The following FBXO21 variants were observed in gnomAD, a reference collection of about 807,000 sequenced individuals.
FBXO21 encodes the protein F-box only protein 21.
A neutral mutation model predicts 76.6 loss-of-function variants in FBXO21; 32 were observed. The ratio of observed to expected loss-of-function variants is 0.42; its 90% CI spans 0.32 to 0.56. FBXO21 has a LOEUF of 0.56. Among genes scored for constraint, FBXO21 ranks in the 20% least tolerant of loss-of-function variants. The probability of loss-of-function intolerance (pLI) is 0.16; values close to 1 mark genes in which losing one functional copy is unlikely to be tolerated. For synonymous variants in FBXO21, 328 were observed against 311.5 expected, an observed-to-expected ratio of 1.05 and a Z score of -0.56; for missense variants, 586 against 797.3, an observed-to-expected ratio of 0.73 and a Z score of 3.19.
chr12:117,177,734 A>C (rs1236146746), intron 3 of FBXO21, 93 bp from the exon 4 acceptor site: 9 of 1,011,998 alleles, frequency 8.9e-6, no homozygotes, highest in Non-Finnish European at 1.2e-5. Context: ...TTTGCTTAAC[A>C]AGAAAAATAT....
rs12309304 is a variant in FBXO21 at position 117,171,981 on chromosome 12, A to C, written c.1013+490T>G. ...ACCTTGCCTGAAGGGGAACGTGGCC[A>C]CCCTATTCAATCTCCCCTGCTTTCT... On this transcript the variant is annotated intron_variant, in intron 7 of 11. Transcript: ENST00000622495. 3.9e-3 allele frequency among the ~76,000 whole-genome samples: 598 copies of C among 152,144 alleles called. 6 individuals are homozygous for C. The highest frequency in any genetic ancestry group is 0.014 in the African/African-American group (573 of 41,498).
In FBXO21 at chr12:117,174,722, C is replaced by G. The variant is rs775941788; in HGVS notation, c.668G>C (p.Ser223Thr). The change falls in exon 5 of 12, where the codon AGC becomes ACC. Residue 223 changes from serine (S) to threonine (T), a missense_variant. Ser to Thr is a moderately conservative substitution (Grantham distance 58, BLOSUM62 1). Transcript: ENST00000622495. The stretch of plus-strand genomic sequence containing the variant: ...GGTTTTGCAAACAAGCTCCACGATG[C>G]TGTCAATTTGGGCCTGGATGTCTTT... ...SLKDIQAQID[S>T]IVELVCKTLR... is the part of the protein sequence containing the mutation. 2 of 1,614,064 alleles carry G rather than the reference C, an allele frequency of 1.2e-6. No individual in the cohort carries two copies. The highest frequency in any genetic ancestry group is 2.7e-5 in the African/African-American group (2 of 74,926).
intron 11 of FBXO21, among the ~76,000 whole-genome samples, chr12:117,151,764 G>A (rs1264856086): frequency 6.6e-6 from 1 of 152,122 alleles, no homozygotes; most frequent in Non-Finnish European, 1.5e-5. Flanking sequence ...GAAGGGAGAG[G>A]CAGGGAGGAA....
intron 3 of FBXO21, among the ~76,000 whole-genome samples, chr12:117,181,523 TTATCTATC>T (rs535290502): frequency 6.6e-6 from 1 of 152,186 alleles, no homozygotes. Context: ...ATGTATGAAT[TTATCTATC>T]TATCTATTTA....
At chr12:117,172,006 T>C (rs1956122786) in intron 7 of FBXO21, among the ~76,000 whole-genome samples, 1 of 152,176 alleles carries the variant, frequency 6.6e-6, no homozygotes. Flanking sequence ...CCCTGCTTTC[T>C]TTCCCTCCCT....
chr12:117,160,780 C>T (rs1250736255), intron 9 of FBXO21, among the ~76,000 whole-genome samples: 4 of 152,114 alleles, frequency 2.6e-5, no homozygotes, highest in African/African-American at 4.8e-5. Flanking sequence ...CAGGCACATG[C>T]GATCACGTGC....
chr12:117,145,999 C>T lies in FBXO21; in HGVS notation c.*88G>A, dbSNP rs779465939. 15 of 1,168,046 alleles carry T rather than the reference C, an allele frequency of 1.3e-5. No homozygotes were observed. The highest frequency in any genetic ancestry group is 2.5e-5 in the East Asian group (1 of 39,990). The allele number at this position is 1,168,046 out of a possible 1,614,324, so 72.4% of individuals were successfully genotyped here. A position where few individuals can be genotyped will look rare whatever the true frequency, so the allele number is the denominator to read the frequency against. On this transcript the variant is annotated 3_prime_UTR_variant, in exon 12 of 12. Transcript: ENST00000622495. ...GTGGCTTTCCTGGTGCAGCAGGTCC[C>T]GAGGGCTCCGTGGAGACGTCTTCTT...
rs535319190 is a variant in FBXO21, at chr12:117,145,295, G to T, written c.*792C>A. On this transcript the variant is annotated 3_prime_UTR_variant, in exon 12 of 12. Coordinates refer to ENST00000622495, the MANE Select transcript of FBXO21 (RefSeq NM_015002.3). ...ATAAAAGTAGTCATTTAAAATGGAGGAATTGTAGATGAGTATGGAAAAATC... is the reference window on the plus strand; with the variant it reads ...ATAAAAGTAGTCATTTAAAATGGAGTAATTGTAGATGAGTATGGAAAAATC... 38 of 151,928 alleles carry T rather than the reference G, an allele frequency of 2.5e-4. No individual in the cohort carries two copies. The highest frequency in any genetic ancestry group is 8.7e-4 in the African/African-American group (36 of 41,466). 9.4% of individuals were successfully genotyped at this position (151,928 alleles called of 1,614,324 possible). A position where few individuals can be genotyped will look rare whatever the true frequency, so the allele number is the denominator to read the frequency against.
chr12:117,184,164 A>T (rs1291935691), intron 3 of FBXO21, among the ~76,000 whole-genome samples: 2 of 151,108 alleles, frequency 1.3e-5, no homozygotes, highest in African/African-American at 4.9e-5. Flanking sequence ...ATTTTATGAC[A>T]TCCAAATGAA....
At position 117,145,806 on chromosome 12, in the gene FBXO21, C is replaced by A; in HGVS notation, c.*281G>T. On this transcript the variant is annotated 3_prime_UTR_variant, in exon 12 of 12. Coordinates refer to ENST00000622495, the MANE Select transcript of FBXO21 (RefSeq NM_015002.3). ...CGTCGACTGTGAGACCTCATGAAGA[C>A]AGAATGTCACAAACTGTCACCACAG... 3.7e-6 allele frequency: 1 copy of A among 273,470 alleles called. No individual in the cohort carries two copies. Among genetic ancestry groups the A allele is most frequent in the Non-Finnish European group, 6.8e-6 (1 of 146,460 alleles). 16.9% of individuals were successfully genotyped at this position (273,470 alleles called of 1,614,324 possible). A position where few individuals can be genotyped will look rare whatever the true frequency, so the allele number is the denominator to read the frequency against.
chr12:117,168,780 C>T (rs950893617), intron 7 of FBXO21, among the ~76,000 whole-genome samples: 1 of 152,026 alleles, frequency 6.6e-6, no homozygotes, highest in Non-Finnish European at 1.5e-5. Context: ...AGATGTGCTG[C>T]AACAATCGAA....
chr12:117,174,827 T>C (rs1195618059), intron 4 of FBXO21, 30 bp from the exon 5 acceptor site: 2 of 1,604,314 alleles, frequency 1.2e-6, no homozygotes, highest in Middle Eastern at 1.7e-4. Flanking sequence ...ACCGAATAAA[T>C]TCTCACGTTA....
intron 11 of FBXO21, 34 bp downstream of exon 11, chr12:117,155,757 G>A (rs757013768): frequency 3.2e-5 from 51 of 1,595,596 alleles, no homozygotes; most frequent in Non-Finnish European, 4.1e-5. Context: ...ACACGCCCGC[G>A]GGGCCACTGG....
At position 117,174,670 on chromosome 12, in the gene FBXO21, G is replaced by C. The variant is rs369392902; in HGVS notation, c.720C>G (p.Pro240=). The part of the protein sequence containing the change: ...KTLRGINSRH[P]SLAFKAGESS... ...CCACACCTGCCTTGAAGGCCAAGCT[G>C]GGGTGGCGACTGTTTATGCCCCGAA... The change falls in exon 5 of 12, where the codon CCC becomes CCG. Residue 240 remains proline, a synonymous_variant. Transcript: ENST00000622495. 2 of 1,614,002 alleles carry C rather than the reference G, an allele frequency of 1.2e-6. No individual in the cohort carries two copies. The highest frequency in any genetic ancestry group is 1.7e-6 in the Non-Finnish European group (2 of 1,180,030).
At position 117,190,369 on chromosome 12, in the gene FBXO21, G is replaced by A. The variant is rs774513228; in HGVS notation, c.88C>T (p.Leu30Phe). The stretch of plus-strand genomic sequence containing the variant: ...AGCACCTCACCCGGCAGGTTGACGA[G>A]GCAGCTGAGGCCCGCTACCTCCGGC... ...AAPEVAGLSC[L>F]VNLPGEVLEY... The change falls in exon 1 of 12, where the codon CTC (leucine) becomes TTC (phenylalanine). Residue 30 changes from leucine to phenylalanine, a missense_variant. By Grantham distance (22) the Leu-to-Phe change is conservative (BLOSUM62 0). Around this residue, in one of 6 missense-constraint regions of FBXO21, gnomAD observed 152 missense variants for 127.2 expected, o/e 1.19. Transcript: ENST00000622495. The A allele has an allele frequency of 2.6e-5, 39 of 1,522,524 alleles. 1 individual carries two copies. In the South Asian group the frequency reaches 4.8e-4, roughly 19 times the overall value. The allele number at this position is 1,522,524 out of a possible 1,614,324, so 94.3% of individuals were successfully genotyped here. A position where few individuals can be genotyped will look rare whatever the true frequency, so the allele number is the denominator to read the frequency against.
chr12:117,148,019 C>A (rs1370071098), intron 11 of FBXO21, among the ~76,000 whole-genome samples: 1 of 152,212 alleles, frequency 6.6e-6, no homozygotes, highest in Non-Finnish European at 1.5e-5. Context: ...CTGGGTTAAA[C>A]ATCCTGAAAC....
At position 117,145,001 on chromosome 12, in the gene FBXO21, A is replaced by T. The variant is rs1046059599; in HGVS notation, c.*1086T>A. The T allele has an allele frequency of 9.9e-5, 15 of 152,146 alleles. No homozygotes were observed. The highest frequency in any genetic ancestry group is 7.2e-4 in the Admixed American group (11 of 15,268). The allele number at this position is 152,146 out of a possible 1,614,324, so 9.4% of individuals were successfully genotyped here. On this transcript the variant is annotated 3_prime_UTR_variant, in exon 12 of 12. Transcript: ENST00000622495. ...CTCTCTTTCTAACCTGCCACATTCA[A>T]ACAGGCCTTGAAGTGACTCTAAGGA...
At chr12:117,176,374 C>T (rs1276221440) in intron 4 of FBXO21, among the ~76,000 whole-genome samples, 1 of 152,108 alleles carries the variant, frequency 6.6e-6, no homozygotes, top group Non-Finnish European at 1.5e-5. Context: ...GAAGTGAAGC[C>T]AGGTGTATTT....
chr12:117,153,091 C>T (rs968378318), intron 11 of FBXO21, among the ~76,000 whole-genome samples: 1 of 151,994 alleles, frequency 6.6e-6, no homozygotes, highest in Non-Finnish European at 1.5e-5. Flanking sequence ...ATTCAAGCAG[C>T]AAGTGGCCCG....
Sources: allele counts gnomAD v4.1 joint callset (sites outside exome capture counted in the v4.1 genomes callset), GRCh38; gene constraint gnomAD v4.1.1; regional missense constraint gnomAD v4.1.1; transcripts MANE v1.5; gene names NCBI Gene and HGNC (gene_info 2026-07-23, HGNC 2026-07-21).